Variants in MAP3K13 observed in about 807,000 individuals in gnomAD.
The protein encoded by MAP3K13 is mitogen-activated protein kinase kinase kinase 13, also known as leucine zipper-bearing kinase.
MAP3K13 carries 52 observed loss-of-function variants against 104.0 expected under a neutral mutation model. The ratio of observed to expected loss-of-function variants is 0.50; its 90% CI spans 0.40 to 0.63. The LOEUF (loss-of-function observed/expected upper bound fraction) is 0.63. MAP3K13 is among the 20% of genes least tolerant of loss of function. The pLI, the probability that MAP3K13 is intolerant of heterozygous loss-of-function variation, is 0.00. For synonymous variants in MAP3K13, 394 were observed against 442.2 expected, an observed-to-expected ratio of 0.89 and a Z score of 1.37; for missense variants, 914 against 1,218.5, an observed-to-expected ratio of 0.75 and a Z score of 3.72.
chr3:185,315,456 T>C lies in MAP3K13; in HGVS notation c.-86+29813T>C, dbSNP rs1577416901. Among the ~76,000 whole-genome samples, 1 of 152,176 alleles carries C rather than the reference T, an allele frequency of 6.6e-6. No homozygotes were observed. Among genetic ancestry groups the C allele is most frequent in the East Asian group, 1.9e-4 (1 of 5,200 alleles). On this transcript the variant is annotated intron_variant, in intron 2 of 14. Transcript: ENST00000424227. This position sits in a 1 kb window ranked among gnomAD's most constrained non-coding sequence, Gnocchi z 4.3. ...GTTGGGGTCTGAGAATCTGCATTTC[T>C]AAGAAGCTTCCAGGTGATGCTGATA...
chr3:185,451,216 A>G, intron 6 of MAP3K13, 71 bp from the exon 7 acceptor site: 1 of 1,097,308 alleles, frequency 9.1e-7, no homozygotes, highest in East Asian at 2.4e-5. Flanking sequence ...TCTTCTTCAT[A>G]AAGTAAAATA....
upstream of MAP3K13, among the ~76,000 whole-genome samples, chr3:185,361,395 G>GTTTTTTTT (rs796827465): frequency 7.1e-6 from 1 of 141,472 alleles, no homozygotes; most frequent in African/African-American, 2.6e-5. Flanking sequence ...TTCGTTTTTT[G>GTTTTTTTT]TTTTTTTTTT....
At chr3:185,312,730 T>C (rs10804900) in intron 2 of MAP3K13, among the ~76,000 whole-genome samples, 13,433 of 152,232 alleles carry the variant, frequency 0.088, 807 homozygotes, top group East Asian at 0.2. Context: ...TGTGGGATGA[T>C]ATTTTGAATA....
At chr3:185,362,366 A>G (rs1007818001), upstream of MAP3K13, among the ~76,000 whole-genome samples, 4 of 152,246 alleles carry the variant, frequency 2.6e-5, no homozygotes, top group Non-Finnish European at 4.4e-5. Flanking sequence ...ATAATAAAAC[A>G]TCTTACTGAA....
intron 2 of MAP3K13, among the ~76,000 whole-genome samples, chr3:185,291,053 G>A (rs370781454): frequency 6.6e-5 from 10 of 152,120 alleles, no homozygotes; most frequent in African/African-American, 2.4e-4. Context: ...TTTTTACTAT[G>A]TTTTTCATTT....
At chr3:185,402,645 G>C (rs189469285) in intron 1 of MAP3K13, among the ~76,000 whole-genome samples, 16 of 152,304 alleles carry the variant, frequency 1.1e-4, no homozygotes, top group African/African-American at 3.6e-4. Flanking sequence ...GGACGTAGAG[G>C]CCAGATGATG....
chr3:185,337,354 A>G (rs1218187407), intron 2 of MAP3K13, among the ~76,000 whole-genome samples: 1 of 152,240 alleles, frequency 6.6e-6, no homozygotes, highest in Non-Finnish European at 1.5e-5. Context: ...TTTCACAGAC[A>G]CTCACAGAAC....
chr3:185,343,694 G>A (rs544602710), intron 2 of MAP3K13, among the ~76,000 whole-genome samples: 1 of 152,236 alleles, frequency 6.6e-6, no homozygotes, highest in East Asian at 1.9e-4. Flanking sequence ...CTTGTGATCT[G>A]CCCGCCTTGG....
chr3:185,353,784 A>AT (rs1723235409), intron 2 of MAP3K13, among the ~76,000 whole-genome samples: 1 of 152,212 alleles, frequency 6.6e-6, no homozygotes, highest in Non-Finnish European at 1.5e-5. Context: ...CCAGTTTTAC[A>AT]TTTGATATGG....
chr3:185,307,789 G>T (rs1388575323), intron 2 of MAP3K13, among the ~76,000 whole-genome samples: 1 of 151,758 alleles, frequency 6.6e-6, no homozygotes, highest in African/African-American at 2.4e-5. Context: ...TGATCTGCCC[G>T]CCTCGGCCTC....
chr3:185,433,224 T>C (rs1307739558), intron 2 of MAP3K13, among the ~76,000 whole-genome samples: 1 of 152,228 alleles, frequency 6.6e-6, no homozygotes, highest in African/African-American at 2.4e-5. Flanking sequence ...AAAGGAGAAC[T>C]GTTGCCTTAA....
chr3:185,396,323 T>C (rs1163305179), intron 1 of MAP3K13, among the ~76,000 whole-genome samples: 2 of 152,082 alleles, frequency 1.3e-5, no homozygotes, highest in Admixed American at 6.6e-5. Flanking sequence ...TGAGCCCAGA[T>C]TGTGCCACTG....
At chr3:185,291,564 A>G in intron 2 of MAP3K13, 1 of 1,477,422 alleles carries the variant, frequency 6.8e-7, no homozygotes, top group Non-Finnish European at 8.9e-7. Flanking sequence ...CCTTAAAAAA[A>G]TTATTAGACT....
chr3:185,431,199 G>A (rs970739595), intron 2 of MAP3K13, among the ~76,000 whole-genome samples: 1 of 152,172 alleles, frequency 6.6e-6, no homozygotes, highest in Admixed American at 6.5e-5. Context: ...AGATTTGGGT[G>A]GGAACACAGA....
At chr3:185,421,173 T>G (rs891512403) in intron 1 of MAP3K13, among the ~76,000 whole-genome samples, 1 of 151,928 alleles carries the variant, frequency 6.6e-6, no homozygotes, top group Non-Finnish European at 1.5e-5. Flanking sequence ...TCTTTTTTTG[T>G]TTTGTTTTGT....
chr3:185,464,293 AAG>A (rs969530686), intron 8 of MAP3K13, among the ~76,000 whole-genome samples: 3 of 152,276 alleles, frequency 2.0e-5, no homozygotes, highest in South Asian at 4.1e-4. Context: ...GTCTCAAAAA[AAG>A]AGAGAGAGAT....
intron 1 of MAP3K13, among the ~76,000 whole-genome samples, chr3:185,392,524 G>A (rs1167919263): frequency 6.6e-6 from 1 of 152,224 alleles, no homozygotes; most frequent in Non-Finnish European, 1.5e-5. Context: ...AGAGGAGGCA[G>A]TGAATTCAGA....
At chr3:185,329,323 C>T in intron 2 of MAP3K13, 1 of 693,302 alleles carries the variant, frequency 1.4e-6, no homozygotes, top group Non-Finnish European at 2.6e-6. Flanking sequence ...TTTCCAGTTG[C>T]TTTTCCTCTG....
intron 1 of MAP3K13, among the ~76,000 whole-genome samples, chr3:185,364,692 G>A (rs957661749): frequency 2.6e-5 from 4 of 152,010 alleles, no homozygotes; most frequent in South Asian, 4.2e-4. Flanking sequence ...TGATATTACC[G>A]TCAATCATTT....
Sources: gnomAD v4.1 joint callset for allele counts (sites outside exome capture counted in the v4.1 genomes callset) on GRCh38, gnomAD v4.1.1 for gene constraint, Gnocchi (gnomAD v3.1) non-coding constraint, MANE v1.5 for transcripts, NCBI Gene and HGNC (gene_info 2026-07-23, HGNC 2026-07-21) for gene names.